The following KCNQ5 variants were observed in gnomAD, a reference collection of about 807,000 sequenced individuals.
KCNQ5 encodes the protein potassium voltage-gated channel subfamily Q member 5, also known as potassium voltage-gated channel subfamily KQT member 5.
In KCNQ5, 30 loss-of-function variants were observed where a neutral mutation model predicts 98.2. The observed-to-expected ratio is 0.31, with a 90% CI of 0.23 to 0.41. The LOEUF (loss-of-function observed/expected upper bound fraction) is 0.41, where lower values mean the gene tolerates loss of function less well. Ranked by LOEUF, KCNQ5 falls within the 10% of genes least tolerant of loss-of-function variation. The probability of loss-of-function intolerance (pLI) is 1.00; values close to 1 mark genes in which losing one functional copy is unlikely to be tolerated. For synonymous variants in KCNQ5, 458 were observed against 449.4 expected, an observed-to-expected ratio of 1.02 and a Z score of -0.24; for missense variants, 835 against 1,182.5, an observed-to-expected ratio of 0.71 and a Z score of 4.31.
intron 2 of KCNQ5, among the ~76,000 whole-genome samples, chr6:73,007,881 C>A (rs1769884467): frequency 6.6e-6 from 1 of 152,170 alleles, no homozygotes; most frequent in African/African-American, 2.4e-5. Flanking sequence ...TTAAAACGAT[C>A]CTCCCCACAT....
At chr6:73,126,773 T>C (rs1440238110) in intron 9 of KCNQ5, among the ~76,000 whole-genome samples, 1 of 152,180 alleles carries the variant, frequency 6.6e-6, no homozygotes, top group East Asian at 1.9e-4. Context: ...TTTAATATCT[T>C]ATATTTCATA....
chr6:72,901,126 C>A (rs1294367501), intron 1 of KCNQ5, among the ~76,000 whole-genome samples: 2 of 127,150 alleles, frequency 1.6e-5, no homozygotes, highest in Non-Finnish European at 3.3e-5. Flanking sequence ...TCCCTCCCCC[C>A]TCCCCCCTCC....
intron 1 of KCNQ5, among the ~76,000 whole-genome samples, chr6:72,806,655 T>A (rs1774975042): frequency 6.6e-6 from 1 of 152,076 alleles, no homozygotes; most frequent in African/African-American, 2.4e-5. Flanking sequence ...ATTGCAAGAC[T>A]CCAAGATGTT....
intron 1 of KCNQ5, among the ~76,000 whole-genome samples, chr6:72,855,455 CA>C (rs1777490593): frequency 6.6e-6 from 1 of 152,012 alleles, no homozygotes; most frequent in East Asian, 1.9e-4. Flanking sequence ...CATACATGCA[CA>C]AAAAATAACT....
intron 1 of KCNQ5, among the ~76,000 whole-genome samples, chr6:72,795,287 A>G (rs1373724205): frequency 2.6e-5 from 4 of 152,340 alleles, no homozygotes; most frequent in African/African-American, 9.6e-5. Context: ...AGATAGGAGC[A>G]GAGAGGTGTC....
intron 9 of KCNQ5, chr6:73,125,558 T>C (rs1289572952): frequency 2.0e-6 from 1 of 497,678 alleles, no homozygotes; most frequent in African/African-American, 1.9e-5. Context: ...GGCCCAGGGA[T>C]TGTTCTTTTA....
chr6:72,867,492 A>T (rs1439279763), intron 1 of KCNQ5, among the ~76,000 whole-genome samples: 1 of 152,226 alleles, frequency 6.6e-6, no homozygotes, highest in Non-Finnish European at 1.5e-5. Context: ...CTTGAAGAAA[A>T]ATACAGATAA....
At chr6:72,980,847 C>A (rs922392742) in intron 1 of KCNQ5, among the ~76,000 whole-genome samples, 1 of 152,082 alleles carries the variant, frequency 6.6e-6, no homozygotes, top group Non-Finnish European at 1.5e-5. Context: ...AGATACGTTC[C>A]ATCAATACCT....
At chr6:72,691,251 T>C (rs1768200505) in intron 1 of KCNQ5, among the ~76,000 whole-genome samples, 1 of 152,232 alleles carries the variant, frequency 6.6e-6, no homozygotes, top group African/African-American at 2.4e-5. Flanking sequence ...TTGGAATGTA[T>C]AGTTCTATTT....
At chr6:72,889,612 A>G (rs550972021) in intron 1 of KCNQ5, among the ~76,000 whole-genome samples, 45 of 152,338 alleles carry the variant, frequency 3.0e-4, no homozygotes, top group African/African-American at 1.0e-3. Context: ...ATCTCAATTC[A>G]GCAGCAAAAT....
At chr6:72,920,526 T>C (rs978406823) in intron 1 of KCNQ5, among the ~76,000 whole-genome samples, 1 of 152,200 alleles carries the variant, frequency 6.6e-6, no homozygotes, top group Admixed American at 6.5e-5. Context: ...TAGGTGGCCA[T>C]TAAAGCCTCT....
rs533715194 is a variant in KCNQ5 at position 72,983,633 on chromosome 6, G to A, written c.399-20275G>A. ...GGGCTCGAACATCCTCCTTTAGCTC[G>A]GAGAATTTTGTTATTACCAACCTTC... On this transcript the variant is annotated intron_variant, in intron 1 of 13. Transcript: ENST00000370398. Among the ~76,000 whole-genome samples the A allele has an allele frequency of 3.9e-5, 6 of 152,110 alleles. No individual in the cohort carries two copies. In the South Asian group the frequency reaches 6.2e-4, roughly 16 times the overall value.
intron 1 of KCNQ5, among the ~76,000 whole-genome samples, chr6:72,675,291 AC>A (rs1398623804): frequency 2.0e-5 from 3 of 152,188 alleles, no homozygotes; most frequent in Non-Finnish European, 4.4e-5. Flanking sequence ...AGTTAATTAT[AC>A]TTTCTATCCA....
intron 5 of KCNQ5, among the ~76,000 whole-genome samples, chr6:73,099,248 G>A (rs1774658737): frequency 6.6e-6 from 1 of 151,936 alleles, no homozygotes; most frequent in South Asian, 2.1e-4. Context: ...AAAAAAGCAA[G>A]AGAAGACCAC....
At chr6:72,790,331 A>G (rs1773972439) in intron 1 of KCNQ5, among the ~76,000 whole-genome samples, 1 of 152,228 alleles carries the variant, frequency 6.6e-6, no homozygotes, top group Admixed American at 6.5e-5. Flanking sequence ...ATGAAGATGA[A>G]TTTAGTAGCT....
rs1582212548 is a variant in KCNQ5 at position 72,746,274 on chromosome 6, T to C, written c.398+123687T>C. Among the ~76,000 whole-genome samples, 5 of 152,274 alleles carry C rather than the reference T, an allele frequency of 3.3e-5. No homozygotes were observed. In the South Asian group the frequency reaches 1.0e-3, roughly 32 times the overall value. ...AAATTTATGCCAGTTACTAATTTCATCAAGATTATTCCCCTTGCTACCGAT... is the reference window on the plus strand; with the variant it reads ...AAATTTATGCCAGTTACTAATTTCACCAAGATTATTCCCCTTGCTACCGAT... On this transcript the variant is annotated intron_variant, in intron 1 of 13. Transcript: ENST00000370398.
intron 1 of KCNQ5, among the ~76,000 whole-genome samples, chr6:72,851,686 C>G (rs1333786381): frequency 6.6e-6 from 1 of 152,094 alleles, no homozygotes; most frequent in East Asian, 1.9e-4. Flanking sequence ...CCACCCTCTA[C>G]ATTCATTTAC....
At chr6:73,150,007 GAAAAA>G (rs60083203) in intron 10 of KCNQ5, among the ~76,000 whole-genome samples, 1 of 135,434 alleles carries the variant, frequency 7.4e-6, no homozygotes, top group African/African-American at 2.5e-5. Context: ...CACCACAGGG[GAAAAA>G]AAAAAAAACA....
chr6:73,192,294 T>C (rs914976625), intron 12 of KCNQ5, among the ~76,000 whole-genome samples: 8 of 152,232 alleles, frequency 5.3e-5, no homozygotes, highest in African/African-American at 1.7e-4. Context: ...TGATCAGAGG[T>C]AGAAACATAT....
Sources: allele counts gnomAD v4.1 joint callset (sites outside exome capture counted in the v4.1 genomes callset), GRCh38; gene constraint gnomAD v4.1.1; transcripts MANE v1.5; gene names NCBI Gene and HGNC (gene_info 2026-07-23, HGNC 2026-07-21).